Variants in TCF25 observed in about 807,000 individuals in gnomAD.
TCF25 encodes TCF25 ribosome quality control complex subunit.
A neutral mutation model predicts 83.1 loss-of-function variants in TCF25; 41 were observed. That is an observed-to-expected ratio of 0.49 (90% confidence interval 0.38 to 0.64). The LOEUF (loss-of-function observed/expected upper bound fraction) is 0.64, where lower values mean the gene tolerates loss of function less well. Ranked by LOEUF, TCF25 falls within the 30% of genes least tolerant of loss-of-function variation. TCF25 has a pLI of 0.00. For missense variants in TCF25, 979 were observed against 914.5 expected, an observed-to-expected ratio of 1.07 and a Z score of -0.91; for synonymous variants, 458 against 365.0, an observed-to-expected ratio of 1.25 and a Z score of -2.90.
chr16:89,876,452 C>G lies in TCF25; in HGVS notation c.192+2593C>G, dbSNP rs927867529. Among the ~76,000 whole-genome samples, 6 of 152,240 alleles carry G rather than the reference C, an allele frequency of 3.9e-5. 1 individual carries two copies. Among genetic ancestry groups the G allele is most frequent in the South Asian group, 4.1e-4 (2 of 4,826 alleles). ...TTAAAAAATTTTATTTATTTAGAGA[C>G]AAGATCTCTTTATGTTGCCTAGGTT... On this transcript the variant is annotated intron_variant, in intron 1 of 17. Coordinates refer to ENST00000263346, the MANE Select transcript of TCF25 (RefSeq NM_014972.3).
chr16:89,896,205 A>C, intron 9 of TCF25, 122 bp downstream of exon 9: 1 of 769,304 alleles, frequency 1.3e-6, no homozygotes, highest in Admixed American at 2.4e-5. Flanking sequence ...CCACAGGTCC[A>C]GAGTGACCCA....
chr16:89,908,903 C>A, intron 16 of TCF25: 2 of 1,282,910 alleles, frequency 1.6e-6, no homozygotes, highest in Non-Finnish European at 2.0e-6. Context: ...GGACTGGCTG[C>A]CTCTTTCAGA....
intron 1 of TCF25, among the ~76,000 whole-genome samples, chr16:89,880,151 A>G (rs2042503102): frequency 7.7e-6 from 1 of 130,406 alleles, no homozygotes; most frequent in Non-Finnish European, 1.8e-5. Context: ...TCCTGAGCCC[A>G]TCACGCGTGC....
At chr16:89,896,610 G>C (rs2043874225) in intron 9 of TCF25, among the ~76,000 whole-genome samples, 1 of 149,646 alleles carries the variant, frequency 6.7e-6, no homozygotes, top group Admixed American at 6.7e-5. Flanking sequence ...CCGGAGTGCA[G>C]GGGCGCGATC....
intron 1 of TCF25, among the ~76,000 whole-genome samples, chr16:89,881,192 C>G (rs1308408480): frequency 1.3e-5 from 2 of 152,152 alleles, no homozygotes; most frequent in Non-Finnish European, 2.9e-5. Flanking sequence ...CAGACCTGCC[C>G]TGTGCTTTCT....
At chr16:89,905,144 C>A in intron 14 of TCF25, 48 bp downstream of exon 14, 1 of 1,504,794 alleles carries the variant, frequency 6.6e-7, no homozygotes, top group Non-Finnish European at 8.9e-7. Flanking sequence ...TCCTCAGGGA[C>A]CCTCATCCCA....
At chr16:89,881,154 G>T (rs1396922427) in intron 1 of TCF25, among the ~76,000 whole-genome samples, 1 of 152,194 alleles carries the variant, frequency 6.6e-6, no homozygotes, top group Admixed American at 6.5e-5. Context: ...AGCCTCCATT[G>T]GAGAGAAAGC....
chr16:89,908,812 GCAGCTCC>G (rs140194835), intron 16 of TCF25, among the ~76,000 whole-genome samples: 6,390 of 63,866 alleles, frequency 0.1, 236 homozygotes, highest in East Asian at 0.2. Context: ...CTCCCACCTC[GCAGCTCC>G]CAGCTCCCAG....
In TCF25 at chr16:89,910,629, T is replaced by A. The variant is rs1232437695; in HGVS notation, c.1838T>A (p.Phe613Tyr). The change falls in exon 17 of 18, where the codon TTC (phenylalanine) becomes TAC (tyrosine). Residue 613 changes from phenylalanine to tyrosine, a missense_variant. Coordinates refer to ENST00000263346, the MANE Select transcript of TCF25 (RefSeq NM_014972.3). ...PISHGNTIAL[F>Y]FRSLLPNYTM... is the part of the protein sequence containing the mutation. ...AGCCATGGAAACACCATTGCTCTCT[T>A]CTTCCGGTCACTGTTGCCAAACTAT... 6.2e-7 allele frequency: 1 copy of A among 1,613,606 alleles called. No homozygotes were observed. Among genetic ancestry groups the A allele is most frequent in the Non-Finnish European group, 8.5e-7 (1 of 1,179,980 alleles).
In TCF25 at chr16:89,905,059, G is replaced by C. The variant is rs2044664905; in HGVS notation, c.1591G>C (p.Asp531His). Residue 531 changes from aspartate (D) to histidine (H), a missense_variant, in exon 14 of 18, where the codon GAC becomes CAC. By Grantham distance (81) the Asp-to-His change is moderately conservative. Transcript: ENST00000263346. Reference sequence around the variant, plus strand: ...CGTCCACGAGGTTCTGCAAGCAGTGGACGCCGGGGACCCAGCCGTGGAAGC... The same window carrying C: ...CGTCCACGAGGTTCTGCAAGCAGTGCACGCCGGGGACCCAGCCGTGGAAGC... ...ENVHEVLQAV[D>H]AGDPAVEACE... 6.2e-7 allele frequency: 1 copy of C among 1,602,874 alleles called. No homozygotes were observed. Among genetic ancestry groups the C allele is most frequent in the Non-Finnish European group, 8.5e-7 (1 of 1,175,542 alleles).
chr16:89,893,662 G>C, intron 6 of TCF25, 66 bp from the exon 7 acceptor site: 4 of 1,609,880 alleles, frequency 2.5e-6, no homozygotes, highest in Non-Finnish European at 3.4e-6. Context: ...GAAGGTGAGG[G>C]CTGTGCTCGG....
In TCF25 at chr16:89,887,815, A is replaced by G. The variant is rs956220318; in HGVS notation, c.614+98A>G. The G allele has an allele frequency of 2.5e-6, 3 of 1,207,298 alleles. No individual in the cohort carries two copies. The African/African-American group carries it at 4.7e-5, about 19-fold the overall frequency. The allele number at this position is 1,207,298 out of a possible 1,614,324, so 74.8% of individuals were successfully genotyped here. A position where few individuals can be genotyped will look rare whatever the true frequency, so the allele number is the denominator to read the frequency against. ...CCTGAAGCTAGTTTACCCTTGAGGG[A>G]GAGTATTTAAAGCCAGAGTGCACAC... On this transcript the variant is annotated intron_variant, in intron 5 of 17. Coordinates refer to ENST00000263346, the MANE Select transcript of TCF25 (RefSeq NM_014972.3).
chr16:89,908,924 G>A (rs2045311567), intron 16 of TCF25: 1 of 1,287,700 alleles, frequency 7.8e-7, no homozygotes, highest in Non-Finnish European at 1.0e-6. Flanking sequence ...CCCAGATGCT[G>A]AGAGATGGGG....
chr16:89,894,345 A>C (rs948739923), intron 7 of TCF25, among the ~76,000 whole-genome samples: 2 of 132,230 alleles, frequency 1.5e-5, no homozygotes, highest in Non-Finnish European at 3.1e-5. Flanking sequence ...GCCCCTGGAC[A>C]GCTCCCCTTG....
At chr16:89,897,648 G>T (rs2043966651) in intron 9 of TCF25, among the ~76,000 whole-genome samples, 1 of 152,226 alleles carries the variant, frequency 6.6e-6, no homozygotes, top group African/African-American at 2.4e-5. Flanking sequence ...GAAAGAGACA[G>T]TGGGCTGTTG....
chr16:89,873,920 A>G, intron 1 of TCF25, 61 bp downstream of exon 1: 2 of 1,403,572 alleles, frequency 1.4e-6, no homozygotes, highest in Non-Finnish European at 1.9e-6. Flanking sequence ...GGGCGGGGCG[A>G]GCGTCCAGCC....
chr16:89,891,420 G>A (rs185180212), intron 5 of TCF25, among the ~76,000 whole-genome samples: 4 of 152,330 alleles, frequency 2.6e-5, no homozygotes, highest in Admixed American at 2.6e-4. Context: ...CCGGGGCCAG[G>A]GCAGGGATGG....
chr16:89,908,942 C>A (rs1462261693), intron 16 of TCF25: 2 of 1,289,196 alleles, frequency 1.6e-6, no homozygotes, highest in African/African-American at 3.0e-5. Flanking sequence ...GGGCTCAGGG[C>A]TAAGTGGGTC....
chr16:89,907,149 G>C, intron 15 of TCF25, 94 bp from the exon 16 acceptor site: 3 of 1,249,648 alleles, frequency 2.4e-6, no homozygotes, highest in South Asian at 1.2e-5. Flanking sequence ...GATGCATCCA[G>C]TCCATGCTGG....
Sources: gnomAD v4.1 joint callset for allele counts (sites outside exome capture counted in the v4.1 genomes callset) on GRCh38, gnomAD v4.1.1 for gene constraint, MANE v1.5 for transcripts, NCBI Gene and HGNC (gene_info 2026-07-23, HGNC 2026-07-21) for gene names.